Variants in TRIB2 observed in about 807,000 individuals in gnomAD.
TRIB2 encodes tribbles pseudokinase 2.
In TRIB2, 2 loss-of-function variants were observed where a neutral mutation model predicts 26.8. The ratio of observed to expected loss-of-function variants is 0.07; its 90% CI spans 0.03 to 0.24. TRIB2 has a LOEUF of 0.24. TRIB2 is among the 10% of genes least tolerant of loss of function. TRIB2 has a pLI of 1.00. For missense variants in TRIB2, 306 were observed against 449.0 expected (o/e 0.68, Z 2.88); for synonymous variants, 189 against 187.3 (o/e 1.01, Z -0.08).
In TRIB2 at chr2:12,717,506, C is replaced by A; in HGVS notation, c.-802C>A. 2.5e-6 allele frequency: 1 copy of A among 398,402 alleles called. No homozygotes were observed. Among genetic ancestry groups the A allele is most frequent in the Non-Finnish European group, 4.4e-6 (1 of 225,876 alleles). The allele number at this position is 398,402 out of a possible 1,614,324, so 24.7% of individuals were successfully genotyped here. On this transcript the variant is annotated 5_prime_UTR_variant, in exon 1 of 3. Coordinates refer to ENST00000155926, the MANE Select transcript of TRIB2 (RefSeq NM_021643.4). The surrounding 1 kb of genome is among the most constrained non-coding windows in gnomAD (Gnocchi z 4.8). The stretch of plus-strand genomic sequence containing the variant: ...GCGGGCCGAGCCCAGGGCTTTGTCG[C>A]GGTACCTGCGCCCAGCCCGCGCCGC...
At position 12,732,477 on chromosome 2, in the gene TRIB2, C is replaced by T. The variant is rs559887571; in HGVS notation, c.564-7849C>T. On this transcript the variant is annotated intron_variant, in intron 2 of 2. Coordinates refer to ENST00000155926, the MANE Select transcript of TRIB2 (RefSeq NM_021643.4). The surrounding 1 kb of genome is among the most constrained non-coding windows in gnomAD (Gnocchi z 4.2). The stretch of plus-strand genomic sequence containing the variant: ...CCTATAGACATCTCTCCCTCCACCA[C>T]GATGCCCTGAGATGCTTCCCCCGTG... 8.8e-4 allele frequency among the ~76,000 whole-genome samples: 134 copies of T among 152,324 alleles called. No individual in the cohort carries two copies. The highest frequency in any genetic ancestry group is 3.0e-3 in the African/African-American group (123 of 41,588).
At chr2:12,719,078 A>G (rs971195633) in intron 1 of TRIB2, among the ~76,000 whole-genome samples, 1 of 152,146 alleles carries the variant, frequency 6.6e-6, no homozygotes, top group Non-Finnish European at 1.5e-5. Context: ...CCTTCGGCTG[A>G]GCCCAGGGGC....
chr2:12,724,683 C>A (rs748964987), intron 2 of TRIB2: 1 of 1,612,930 alleles, frequency 6.2e-7, no homozygotes, highest in South Asian at 1.1e-5. Context: ...CTTCGATACC[C>A]TCTGTGATCT....
At chr2:12,730,396 A>G (rs977335353) in intron 2 of TRIB2, among the ~76,000 whole-genome samples, 1 of 152,218 alleles carries the variant, frequency 6.6e-6, no homozygotes, top group African/African-American at 2.4e-5. Flanking sequence ...GAAATAGACA[A>G]CAGGTAAAAT....
chr2:12,740,760 A>G lies in TRIB2; in HGVS notation c.998A>G (p.Asn333Ser), dbSNP rs763968049. 3.1e-6 allele frequency: 5 copies of G among 1,614,204 alleles called. No individual in the cohort carries two copies. Among genetic ancestry groups the G allele is most frequent in the Non-Finnish European group, 2.5e-6 (3 of 1,180,038 alleles). The change falls in exon 3 of 3, where the codon AAC becomes AGC. Residue 333 changes from asparagine to serine, a missense_variant. By Grantham distance (46) the Asn-to-Ser change is conservative. This residue lies in a region of TRIB2 where 78 missense variants were observed against 104.9 expected (regional missense o/e 0.74). Coordinates refer to ENST00000155926, the MANE Select transcript of TRIB2 (RefSeq NM_021643.4). The surrounding 1 kb of genome is among the most constrained non-coding windows in gnomAD (Gnocchi z 5.8). ...EVSDQLVPDVNMEENLDPFFN is the reference protein window; with the variant it reads ...EVSDQLVPDVSMEENLDPFFN ...TCTGACCAGCTGGTGCCGGACGTCA[A>G]CATGGAAGAGAACTTGGACCCTTTC...
chr2:12,718,787 G>A lies in TRIB2; in HGVS notation c.270+210G>A, dbSNP rs949242386. 6.6e-6 allele frequency among the ~76,000 whole-genome samples: 1 copy of A among 152,116 alleles called. No homozygotes were observed. Among genetic ancestry groups the A allele is most frequent in the Non-Finnish European group, 1.5e-5 (1 of 68,022 alleles). On this transcript the variant is annotated intron_variant, in intron 1 of 2. Transcript: ENST00000155926. The surrounding 1 kb of genome is among the most constrained non-coding windows in gnomAD (Gnocchi z 4.0). ...GGGCGGGCGGCAGTGGGGGCGTTTC[G>A]GGGAGAGCCCGGGGAGGAGAGGGCG...
intron 2 of TRIB2, among the ~76,000 whole-genome samples, chr2:12,725,362 C>G (rs1200111203): frequency 6.6e-6 from 1 of 152,200 alleles, no homozygotes. Flanking sequence ...AAAGTGGACC[C>G]GGAGGTTGCA....
chr2:12,718,556 C>T lies in TRIB2; in HGVS notation c.249C>T (p.Ser83=), dbSNP rs779026155. Reference sequence around the variant, plus strand: ...TTTTTCGTGCCGTGCATCTGCACAGCGGAGAGGAGCTGGTGTGCAAGGTAA... The same window carrying T: ...TTTTTCGTGCCGTGCATCTGCACAGTGGAGAGGAGCTGGTGTGCAAGGTAA... ...DHVFRAVHLH[S]GEELVCKVFD... is the part of the protein sequence containing the mutation. Residue 83 remains serine (S), a synonymous_variant, in exon 1 of 3, where the codon AGC becomes AGT. Transcript: ENST00000155926. This position sits in a 1 kb window ranked among gnomAD's most constrained non-coding sequence, Gnocchi z 4.0. 1.9e-6 allele frequency: 3 copies of T among 1,613,802 alleles called. No individual in the cohort carries two copies. The highest frequency in any genetic ancestry group is 4.5e-5 in the East Asian group (2 of 44,854).
intron 2 of TRIB2, chr2:12,724,830 C>G (rs774688040): frequency 6.2e-7 from 1 of 1,610,926 alleles, no homozygotes; most frequent in South Asian, 1.1e-5. Context: ...TTTGAATATT[C>G]TCATTTAGAA....
Position 12,718,545 on chromosome 2 carries a change from C to T in TRIB2, c.238C>T (p.His80Tyr). 6.2e-7 allele frequency: 1 copy of T among 1,614,132 alleles called. No homozygotes were observed. The change falls in exon 1 of 3, where the codon CAT becomes TAT. Residue 80 changes from histidine to tyrosine, a missense_variant. Coordinates refer to ENST00000155926, the MANE Select transcript of TRIB2 (RefSeq NM_021643.4). This position sits in a 1 kb window ranked among gnomAD's most constrained non-coding sequence, Gnocchi z 4.0. ...GGGAGACCACGTTTTTCGTGCCGTG[C>T]ATCTGCACAGCGGAGAGGAGCTGGT... Reference protein sequence around the residue: ...LEGDHVFRAVHLHSGEELVCK... With the variant: ...LEGDHVFRAVYLHSGEELVCK...
intron 1 of TRIB2, among the ~76,000 whole-genome samples, chr2:12,722,304 G>A (rs1365119284): frequency 1.3e-5 from 2 of 152,182 alleles, no homozygotes; most frequent in East Asian, 1.9e-4. Flanking sequence ...GCTCACCCAC[G>A]CATGCCCCTG....
chr2:12,742,163 G>A lies in TRIB2; in HGVS notation c.*1369G>A, dbSNP rs1661723135. 1 of 152,608 alleles carries A rather than the reference G, an allele frequency of 6.6e-6. No individual in the cohort carries two copies. Among genetic ancestry groups the A allele is most frequent in the African/African-American group, 2.4e-5 (1 of 41,424 alleles). The allele number at this position is 152,608 out of a possible 1,614,324, so 9.5% of individuals were successfully genotyped here. A position where few individuals can be genotyped will look rare whatever the true frequency, so the allele number is the denominator to read the frequency against. On this transcript the variant is annotated 3_prime_UTR_variant, in exon 3 of 3. Transcript: ENST00000155926. ...AGATAGCTTTATTTGATTTCGAGTG[G>A]CAAAATGTTTTTTATTACGGCTTTT... is the stretch of plus-strand genomic sequence containing the variant.
intron 2 of TRIB2, among the ~76,000 whole-genome samples, chr2:12,731,772 G>A (rs1296727213): frequency 6.6e-6 from 1 of 152,196 alleles, no homozygotes; most frequent in Non-Finnish European, 1.5e-5. Flanking sequence ...GTGCAGAGAT[G>A]CACTCACAGG....
intron 1 of TRIB2, among the ~76,000 whole-genome samples, 168 bp from the exon 2 acceptor site, chr2:12,723,092 G>A (rs748897007): frequency 6.6e-6 from 1 of 152,168 alleles, no homozygotes; most frequent in Non-Finnish European, 1.5e-5. Flanking sequence ...TAAGTGACTT[G>A]TTTAGTGCCA....
At chr2:12,721,368 A>G (rs573726268) in intron 1 of TRIB2, among the ~76,000 whole-genome samples, 156 of 152,362 alleles carry the variant, frequency 1.0e-3, no homozygotes, top group Non-Finnish European at 1.9e-3. Flanking sequence ...GAAGTAGATT[A>G]TAAATAATCA....
chr2:12,733,791 G>A (rs1275092145), intron 2 of TRIB2, among the ~76,000 whole-genome samples: 1 of 152,120 alleles, frequency 6.6e-6, no homozygotes, highest in Non-Finnish European at 1.5e-5. Context: ...TTTTACAGAA[G>A]GGAAACTGAG....
Position 12,741,012 on chromosome 2 carries a change from G to T in TRIB2, c.*218G>T, listed in dbSNP as rs896710593. The T allele has an allele frequency of 5.5e-6, 3 of 545,796 alleles. No individual in the cohort carries two copies. The highest frequency in any genetic ancestry group is 2.4e-5 in the South Asian group (1 of 41,976). The allele number at this position is 545,796 out of a possible 1,614,324, so 33.8% of individuals were successfully genotyped here. ...ATTGGGGTGAGATGGATGGGAGCCC[G>T]CTGGAGCTTGTCTTCCCTAACATAG... is the stretch of plus-strand genomic sequence containing the variant. On this transcript the variant is annotated 3_prime_UTR_variant, in exon 3 of 3. Coordinates refer to ENST00000155926, the MANE Select transcript of TRIB2 (RefSeq NM_021643.4).
intron 2 of TRIB2, chr2:12,724,568 A>C (rs1661295186): frequency 1.3e-6 from 2 of 1,556,248 alleles, no homozygotes; most frequent in African/African-American, 2.8e-5. Context: ...CAAACTGAGA[A>C]GGGGCAGCTG....
chr2:12,730,665 A>G (rs76979063), intron 2 of TRIB2, among the ~76,000 whole-genome samples: 2,043 of 152,058 alleles, frequency 0.013, 55 homozygotes, highest in African/African-American at 0.046. Flanking sequence ...TTCTTTTTCT[A>G]TCCTCCATGC....
Sources: gnomAD v4.1 joint callset for allele counts (sites outside exome capture counted in the v4.1 genomes callset) on GRCh38, gnomAD v4.1.1 for gene constraint, gnomAD v4.1.1 regional missense constraint, Gnocchi (gnomAD v3.1) non-coding constraint, MANE v1.5 for transcripts, NCBI Gene and HGNC (gene_info 2026-07-23, HGNC 2026-07-21) for gene names.